Variants in TRERF1 observed in about 807,000 individuals in gnomAD.
TRERF1 encodes the protein transcriptional-regulating factor 1.
A neutral mutation model predicts 122.9 loss-of-function variants in TRERF1; 27 were observed. The observed-to-expected ratio is 0.22, with a 90% CI of 0.16 to 0.30. The LOEUF (loss-of-function observed/expected upper bound fraction) is 0.30. Among genes scored for constraint, TRERF1 ranks in the 10% least tolerant of loss-of-function variants. The pLI is 1.00. For synonymous variants in TRERF1, 636 were observed against 641.7 expected, an observed-to-expected ratio of 0.99 and a Z score of 0.13; for missense variants, 1,248 against 1,560.3, an observed-to-expected ratio of 0.80 and a Z score of 3.37.
chr6:42,425,963 A>G (rs1254152654), intron 2 of TRERF1, among the ~76,000 whole-genome samples: 1 of 152,008 alleles, frequency 6.6e-6, no homozygotes, highest in Non-Finnish European at 1.5e-5. Context: ...GCACGTGGGG[A>G]GCAGGGCTCT....
At chr6:42,247,727 A>C (rs1043156608) in intron 13 of TRERF1, among the ~76,000 whole-genome samples, 1 of 152,224 alleles carries the variant, frequency 6.6e-6, no homozygotes, top group African/African-American at 2.4e-5. Flanking sequence ...GCAAGAAATA[A>C]GGCCTACTTC....
At chr6:42,450,795 A>T (rs537584441) in intron 2 of TRERF1, among the ~76,000 whole-genome samples, 1 of 152,318 alleles carries the variant, frequency 6.6e-6, no homozygotes, top group East Asian at 1.9e-4. Context: ...CAGCCCCCAC[A>T]GAGCCCGCAG....
At chr6:42,240,298 G>T (rs139736125) in intron 15 of TRERF1, among the ~76,000 whole-genome samples, 59 of 152,298 alleles carry the variant, frequency 3.9e-4, no homozygotes, top group Middle Eastern at 3.4e-3. Context: ...CACTGTCCTA[G>T]GCACTTGATA....
chr6:42,276,874 A>G lies in TRERF1; in HGVS notation c.-258-7026T>C, dbSNP rs1367772862. ...CCCTGTAGCATCAGTTGCTCCCTCC[A>G]AGCCCTGGGGATCAGTAGGAAGCCC... On this transcript the variant is annotated intron_variant, in intron 4 of 17. Coordinates refer to ENST00000372922, the Ensembl canonical transcript of TRERF1. This position sits in a 1 kb window ranked among gnomAD's most constrained non-coding sequence, Gnocchi z 4.3. Among the ~76,000 whole-genome samples the G allele has an allele frequency of 6.6e-6, 1 of 152,126 alleles. No homozygotes were observed. The highest frequency in any genetic ancestry group is 1.5e-5 in the Non-Finnish European group (1 of 68,016).
rs1725238096 is a variant in TRERF1 at position 42,232,520 on chromosome 6, GC to G, written c.3278+160del. On this transcript the variant is annotated intron_variant, in intron 17 of 17. Transcript: ENST00000372922. The surrounding 1 kb of genome is among the most constrained non-coding windows in gnomAD (Gnocchi z 4.5). ...AACAGAATGGCCATATTCTGAGTCT[GC>G]AACAGGACTACATACCCATCCCAAA... Among the ~76,000 whole-genome samples the G allele has an allele frequency of 6.6e-6, 1 of 152,216 alleles. No homozygotes were observed. The highest frequency in any genetic ancestry group is 6.5e-5 in the Admixed American group (1 of 15,276).
chr6:42,377,706 A>G (rs896469393), intron 2 of TRERF1, among the ~76,000 whole-genome samples: 2 of 152,202 alleles, frequency 1.3e-5, no homozygotes, highest in African/African-American at 4.8e-5. Flanking sequence ...ACCCAGTTGT[A>G]CGGATTTTCC....
exon 18 of TRERF1, chr6:42,227,019 T>G (rs1212486545): frequency 1.3e-5 from 2 of 152,242 alleles, no homozygotes; most frequent in Non-Finnish European, 2.9e-5. Context: ...CTCAGAAGCC[T>G]GGGGCTAAAT....
At chr6:42,317,156 C>T (rs1208332964) in intron 3 of TRERF1, among the ~76,000 whole-genome samples, 1 of 152,016 alleles carries the variant, frequency 6.6e-6, no homozygotes, top group African/African-American at 2.4e-5. Flanking sequence ...CGTAGAACAC[C>T]CTAGCCTCTG....
chr6:42,383,376 T>C (rs1776279186), intron 2 of TRERF1, among the ~76,000 whole-genome samples: 1 of 152,184 alleles, frequency 6.6e-6, no homozygotes, highest in Non-Finnish European at 1.5e-5. Context: ...CTCTTTCCTA[T>C]GAAGCTGCCT....
intron 2 of TRERF1, among the ~76,000 whole-genome samples, chr6:42,420,795 T>TGTAA (rs760690999): frequency 6.2e-4 from 94 of 152,326 alleles, no homozygotes; most frequent in Non-Finnish European, 1.1e-3. Context: ...GATGCTGTCA[T>TGTAA]GTAAGTCATG....
rs1478716130 is a variant in TRERF1, at chr6:42,328,179, TG to T, written c.-370-27431del. Among the ~76,000 whole-genome samples the T allele has an allele frequency of 7.9e-5, 12 of 152,042 alleles. No individual in the cohort carries two copies. In the East Asian group the frequency reaches 1.2e-3, roughly 15 times the overall value. On this transcript the variant is annotated intron_variant, in intron 3 of 17. Coordinates refer to ENST00000372922, the Ensembl canonical transcript of TRERF1. ...CACGCTACCATGCCCAGCTAATTTT[TG>T]TATTTTTTGGTAAAGATGGGGTTTC...
At chr6:42,262,755 T>G (rs190171437) in intron 8 of TRERF1, among the ~76,000 whole-genome samples, 51 of 152,182 alleles carry the variant, frequency 3.4e-4, no homozygotes, top group Admixed American at 1.4e-3. Context: ...TTGGGAACTT[T>G]AACGAATTAG....
In TRERF1 at chr6:42,232,869, C is replaced by T. The variant is rs1209879881; in HGVS notation, c.3090G>A (p.Leu1030=). The T allele has an allele frequency of 2.5e-6, 4 of 1,606,832 alleles. No homozygotes were observed. Among genetic ancestry groups the T allele is most frequent in the Non-Finnish European group, 2.6e-6 (3 of 1,176,296 alleles). The stretch of plus-strand genomic sequence containing the variant: ...CCCCGTGGATGCGGGCATGGCCATT[C>T]AGTGCCTGTCGGGAGCTGAACACCT... The change falls in exon 17 of 18, where the codon CTG becomes CTA. Residue 1030 remains leucine (L), a synonymous_variant. Coordinates refer to ENST00000372922, the Ensembl canonical transcript of TRERF1. The surrounding 1 kb of genome is among the most constrained non-coding windows in gnomAD (Gnocchi z 4.5).
intron 4 of TRERF1, among the ~76,000 whole-genome samples, chr6:42,277,715 C>T (rs553337486): frequency 7.9e-5 from 12 of 152,068 alleles, no homozygotes; most frequent in Admixed American, 2.6e-4. Context: ...TAGTGGCGTG[C>T]GCCTGTAGTC....
chr6:42,367,761 A>G (rs1201952130), intron 2 of TRERF1, among the ~76,000 whole-genome samples: 5 of 152,072 alleles, frequency 3.3e-5, no homozygotes, highest in Non-Finnish European at 7.4e-5. Flanking sequence ...TACTCCCAAC[A>G]GCTGGCAGGG....
At chr6:42,360,771 TAAAAA>T (rs55924002) in intron 3 of TRERF1, among the ~76,000 whole-genome samples, 2 of 36,450 alleles carry the variant, frequency 5.5e-5, no homozygotes, top group Non-Finnish European at 5.1e-5. Context: ...GTGGAGAGAT[TAAAAA>T]AAAAAAAAAA....
chr6:42,437,720 G>T (rs1381419866), intron 2 of TRERF1, among the ~76,000 whole-genome samples: 1 of 152,110 alleles, frequency 6.6e-6, no homozygotes, highest in Non-Finnish European at 1.5e-5. Context: ...GAGTTCCGGA[G>T]TCTGAATCCC....
At chr6:42,338,756 G>A (rs1007249246) in intron 3 of TRERF1, among the ~76,000 whole-genome samples, 2 of 152,142 alleles carry the variant, frequency 1.3e-5, no homozygotes, top group African/African-American at 4.8e-5. Context: ...GCTAGAATGG[G>A]ACCTACCAGA....
chr6:42,258,640 T>C (rs1380128065), intron 9 of TRERF1, among the ~76,000 whole-genome samples: 1 of 152,240 alleles, frequency 6.6e-6, no homozygotes, highest in Non-Finnish European at 1.5e-5. Context: ...TGTGGCGCGA[T>C]GTCGGCTCAC....
Sources: allele counts gnomAD v4.1 joint callset (sites outside exome capture counted in the v4.1 genomes callset), GRCh38; gene constraint gnomAD v4.1.1; non-coding constraint Gnocchi (gnomAD v3.1); transcripts MANE v1.5; gene names NCBI Gene and HGNC (gene_info 2026-07-23, HGNC 2026-07-21).